The following NPSR1 variants were observed in gnomAD, a reference collection of about 807,000 sequenced individuals.
The protein encoded by NPSR1 is neuropeptide S receptor.
A neutral mutation model predicts 46.9 loss-of-function variants in NPSR1; 48 were observed. The observed-to-expected ratio is 1.02, with a 90% CI of 0.81 to 1.30. The LOEUF (loss-of-function observed/expected upper bound fraction) is 1.30. Ranked by LOEUF, NPSR1 falls within the 50% of genes most tolerant of loss-of-function variation. NPSR1 has a pLI of 0.00. For synonymous variants in NPSR1, 176 were observed against 168.1 expected (o/e 1.05, Z -0.36); for missense variants, 450 against 449.5 (o/e 1.00, Z -0.01).
intron 3 of NPSR1, among the ~76,000 whole-genome samples, chr7:34,810,316 C>G (rs60332712): frequency 0.068 from 10,422 of 152,268 alleles, 1,037 homozygotes; most frequent in African/African-American, 0.22. Context: ...CCACCTTGAT[C>G]ATCCCTTCAA....
chr7:34,702,967 T>C (rs1793910226), intron 2 of NPSR1, among the ~76,000 whole-genome samples: 1 of 152,244 alleles, frequency 6.6e-6, no homozygotes, highest in African/African-American at 2.4e-5. Flanking sequence ...CCTAGTTGAC[T>C]TGCAGTAGCT....
chr7:34,776,807 C>A (rs568477196), intron 2 of NPSR1, among the ~76,000 whole-genome samples: 1 of 152,276 alleles, frequency 6.6e-6, no homozygotes, highest in African/African-American at 2.4e-5. Context: ...ATGTCCTTCC[C>A]TTCAAGGCAG....
chr7:34,659,577 C>A (rs1181116121), intron 1 of NPSR1, among the ~76,000 whole-genome samples: 2 of 152,194 alleles, frequency 1.3e-5, no homozygotes, highest in Non-Finnish European at 2.9e-5. Flanking sequence ...CAGCAGGGTG[C>A]TGTCCCAGGA....
intron 6 of NPSR1, among the ~76,000 whole-genome samples, chr7:34,843,849 G>A (rs1433960475): frequency 6.6e-6 from 1 of 152,226 alleles, no homozygotes; most frequent in Non-Finnish European, 1.5e-5. Context: ...ATGTGACTTC[G>A]ACGCACTGAG....
chr7:34,736,318 G>C (rs1784661531), intron 2 of NPSR1, among the ~76,000 whole-genome samples: 1 of 152,042 alleles, frequency 6.6e-6, no homozygotes. Flanking sequence ...ACAATACTGT[G>C]AATTCCTTTA....
At chr7:34,811,721 T>C in intron 3 of NPSR1, 49 bp from the exon 4 acceptor site, 1 of 1,328,012 alleles carries the variant, frequency 7.5e-7, no homozygotes, top group Non-Finnish European at 1.1e-6. Context: ...ATTATGTGCC[T>C]TCCCTCACCT....
At chr7:34,757,341 T>C (rs2128727292) in intron 2 of NPSR1, among the ~76,000 whole-genome samples, 1 of 152,308 alleles carries the variant, frequency 6.6e-6, no homozygotes, top group East Asian at 1.9e-4. Flanking sequence ...CAACCTAATA[T>C]ATATGTGCAC....
intron 8 of NPSR1, among the ~76,000 whole-genome samples, chr7:34,865,357 A>G (rs904888456): frequency 2.0e-5 from 3 of 151,722 alleles, no homozygotes; most frequent in Non-Finnish European, 2.9e-5. Context: ...CTCAGGTGAG[A>G]CAGAGACGCG....
At chr7:34,689,713 C>A (rs1421021743) in intron 2 of NPSR1, among the ~76,000 whole-genome samples, 1 of 150,214 alleles carries the variant, frequency 6.7e-6, no homozygotes, top group Non-Finnish European at 1.5e-5. Flanking sequence ...GATGCTAAGG[C>A]CGGCAAATCA....
intron 4 of NPSR1, 149 bp from the exon 5 acceptor site, chr7:34,827,252 C>T: frequency 1.6e-6 from 1 of 635,820 alleles, no homozygotes; most frequent in Non-Finnish European, 2.8e-6. Flanking sequence ...TACTGTATCC[C>T]TGTTTACAGA....
chr7:34,684,871 T>A (rs1016430549), intron 2 of NPSR1, among the ~76,000 whole-genome samples, 187 bp downstream of exon 2: 1 of 152,252 alleles, frequency 6.6e-6, no homozygotes. Context: ...TGAATGCCTC[T>A]AAGATTTCAT....
At chr7:34,831,357 A>C (rs79253566) in intron 5 of NPSR1, among the ~76,000 whole-genome samples, 2 of 151,796 alleles carry the variant, frequency 1.3e-5, no homozygotes, top group Non-Finnish European at 2.9e-5. Flanking sequence ...ACGTGTACAC[A>C]TACTGCTAAT....
chr7:34,722,358 T>C (rs1306893763), intron 2 of NPSR1, among the ~76,000 whole-genome samples: 1 of 152,260 alleles, frequency 6.6e-6, no homozygotes, highest in Non-Finnish European at 1.5e-5. Flanking sequence ...TAATACTTAG[T>C]ACAATTCTAC....
intron 2 of NPSR1, among the ~76,000 whole-genome samples, chr7:34,743,114 T>A (rs1484175895): frequency 6.6e-6 from 1 of 152,204 alleles, no homozygotes; most frequent in Admixed American, 6.5e-5. Context: ...TTTTACTCTG[T>A]TGATAGTTTC....
intron 3 of NPSR1, among the ~76,000 whole-genome samples, chr7:34,798,838 CTGTT>C (rs895548276): frequency 6.6e-5 from 10 of 152,046 alleles, no homozygotes; most frequent in African/African-American, 2.4e-4. Flanking sequence ...AATTTTCAAA[CTGTT>C]TGGAGATTGA....
intron 2 of NPSR1, among the ~76,000 whole-genome samples, chr7:34,713,086 C>A (rs1183981265): frequency 6.6e-6 from 1 of 152,190 alleles, no homozygotes. Context: ...AAGGACACCG[C>A]CCTTCTGTGA....
chr7:34,663,095 C>CG (rs78997347), intron 1 of NPSR1, among the ~76,000 whole-genome samples: 20,130 of 64,880 alleles, frequency 0.31, 2,769 homozygotes, highest in East Asian at 0.66. Context: ...GTGTGTGTGG[C>CG]GGGGGGGAGT....
chr7:34,658,578 AC>A lies in NPSR1; in HGVS notation c.147+20del. On this transcript the variant is annotated intron_variant, in intron 1 of 8. Coordinates refer to ENST00000360581, the MANE Select transcript of NPSR1 (RefSeq NM_207172.2). ...CTTTAAGGTAAGTTTCTTGCCTGCG[AC>A]TCTGAACACTGACTTATAACAATGA... 6.2e-7 allele frequency: 1 copy of A among 1,611,526 alleles called. No individual in the cohort carries two copies. The highest frequency in any genetic ancestry group is 8.5e-7 in the Non-Finnish European group (1 of 1,178,034).
intron 2 of NPSR1, among the ~76,000 whole-genome samples, chr7:34,739,487 A>G (rs951450624): frequency 1.3e-5 from 2 of 152,180 alleles, no homozygotes; most frequent in African/African-American, 4.8e-5. Flanking sequence ...CCTAATAATT[A>G]ATGATGGTGA....
Sources: allele counts gnomAD v4.1 joint callset (sites outside exome capture counted in the v4.1 genomes callset), GRCh38; gene constraint gnomAD v4.1.1; transcripts MANE v1.5; gene names NCBI Gene and HGNC (gene_info 2026-07-23, HGNC 2026-07-21).